LRCH3: variants seen among roughly 807,000 people sequenced by gnomAD.
The protein encoded by LRCH3 is DISP complex protein LRCH3.
In LRCH3, 68 loss-of-function variants were observed where a neutral mutation model predicts 104.5. The ratio of observed to expected loss-of-function variants is 0.65; its 90% CI spans 0.54 to 0.80. The LOEUF (loss-of-function observed/expected upper bound fraction) is 0.80. LRCH3 is among the 30% of genes least tolerant of loss of function. The probability of loss-of-function intolerance (pLI) is 0.00; values close to 1 mark genes in which losing one functional copy is unlikely to be tolerated. For synonymous variants in LRCH3, 344 were observed against 361.3 expected (o/e 0.95, Z 0.54); for missense variants, 951 against 953.9 (o/e 1.00, Z 0.04).
chr3:197,879,384 C>T (rs34161024), intron 20 of LRCH3, among the ~76,000 whole-genome samples: 6 of 152,108 alleles, frequency 3.9e-5, no homozygotes, highest in East Asian at 3.9e-4. Flanking sequence ...CGGTGGCTCA[C>T]GCCTGTAATC....
rs1714241366 is a variant in LRCH3, at chr3:197,886,905, T to TA, written c.*3241dup. 1 of 151,714 alleles carries TA rather than the reference T, an allele frequency of 6.6e-6. No individual in the cohort carries two copies. 9.4% of individuals were successfully genotyped at this position (151,714 alleles called of 1,614,324 possible). A position where few individuals can be genotyped will look rare whatever the true frequency, so the allele number is the denominator to read the frequency against. ...ATGCAATACTTGCAACATTTGCAAC[T>TA]AATTTTCCCATAGGGATAAATGGAA... On this transcript the variant is annotated 3_prime_UTR_variant, in exon 21 of 21. Coordinates refer to ENST00000425562, the MANE Select transcript of LRCH3 (RefSeq NM_001365715.1).
At chr3:197,792,575 TTTTATATATATA>T (rs746935941) in intron 1 of LRCH3, among the ~76,000 whole-genome samples, 2,985 of 18,596 alleles carry the variant, frequency 0.16, 279 homozygotes, top group East Asian at 0.46. Context: ...GCCCAGCTAA[TTTTATATATATA>T]TATATATATA....
At chr3:197,827,043 C>A in intron 5 of LRCH3, 29 bp downstream of exon 5, 1 of 1,553,154 alleles carries the variant, frequency 6.4e-7, no homozygotes, top group Non-Finnish European at 8.7e-7. Context: ...ATCAGGTAAA[C>A]CATGGTGGAA....
At chr3:197,836,829 C>T (rs1432446074) in intron 9 of LRCH3, among the ~76,000 whole-genome samples, 1 of 152,130 alleles carries the variant, frequency 6.6e-6, no homozygotes, top group African/African-American at 2.4e-5. Flanking sequence ...AGGCACCTGC[C>T]ACCATGCCCG....
chr3:197,850,360 T>C (rs1232860258), intron 12 of LRCH3: 13 of 927,240 alleles, frequency 1.4e-5, no homozygotes, highest in Middle Eastern at 3.5e-4. Context: ...TCTTTTTTTT[T>C]TTTTTTTTCC....
chr3:197,827,073 GGAAGCATCTGGTGAACCATA>G, intron 5 of LRCH3, 59 bp downstream of exon 5: 1 of 1,595,548 alleles, frequency 6.3e-7, no homozygotes, highest in South Asian at 1.1e-5. Context: ...AAACCACGGT[GGAAGCATCTGGTGAACCATA>G]GTGGAAGCAT....
chr3:197,817,275 T>A lies in LRCH3; in HGVS notation c.507T>A (p.Ile169=). 1 of 1,610,546 alleles carries A rather than the reference T, an allele frequency of 6.2e-7. No homozygotes were observed. The highest frequency in any genetic ancestry group is 8.5e-7 in the Non-Finnish European group (1 of 1,178,654). ...NNKLVSLPEE[I]GHLRHLMELD... ...AATTGGTGTCACTTCCAGAAGAAAT[T>A]GGACACCTTAGACATTTGATGGAAC... Residue 169 remains isoleucine (I), a synonymous_variant, in exon 3 of 21, where the codon ATT becomes ATA. Transcript: ENST00000425562.
intron 2 of LRCH3, among the ~76,000 whole-genome samples, chr3:197,815,943 T>C (rs916573372): frequency 1.7e-4 from 26 of 152,372 alleles, no homozygotes; most frequent in Admixed American, 1.6e-3. Context: ...TTTCCTCTTA[T>C]CATGAAACAT....
chr3:197,814,917 G>A lies in LRCH3; in HGVS notation c.272G>A (p.Arg91Gln), dbSNP rs771761835. Residue 91 changes from arginine to glutamine, a missense_variant, in exon 2 of 21, where the codon CGA (arginine) becomes CAA (glutamine). Arg to Gln is a conservative substitution (Grantham distance 43, BLOSUM62 1). Coordinates refer to ENST00000425562, the MANE Select transcript of LRCH3 (RefSeq NM_001365715.1). Reference sequence around the variant, plus strand: ...TTAATTTTTCTTTTAGACCTGTCGCGAAATCGCCTTTCAGAAATTCCTATA... The same window carrying A: ...TTAATTTTTCTTTTAGACCTGTCGCAAAATCGCCTTTCAGAAATTCCTATA... ...LTDTTRADLS[R>Q]NRLSEIPIEA... 1.9e-6 allele frequency: 3 copies of A among 1,592,046 alleles called. No individual in the cohort carries two copies. Among genetic ancestry groups the A allele is most frequent in the African/African-American group, 1.4e-5 (1 of 73,906 alleles).
chr3:197,846,881 G>GT (rs201067685), intron 10 of LRCH3, among the ~76,000 whole-genome samples: 4,850 of 150,738 alleles, frequency 0.032, 278 homozygotes, highest in African/African-American at 0.11. Context: ...CTTTTTTTTT[G>GT]TTTTTTTAAG....
intron 8 of LRCH3, among the ~76,000 whole-genome samples, chr3:197,832,577 G>A (rs917653570): frequency 8.5e-5 from 13 of 152,098 alleles, no homozygotes; most frequent in African/African-American, 3.1e-4. Context: ...AGTACACCTG[G>A]AGCAGATCTT....
intron 1 of LRCH3, among the ~76,000 whole-genome samples, chr3:197,793,815 T>C (rs1730894477): frequency 6.6e-6 from 1 of 152,164 alleles, no homozygotes; most frequent in Non-Finnish European, 1.5e-5. Flanking sequence ...TTTTATAAGC[T>C]ATTAGACTAG....
Position 197,820,445 on chromosome 3 carries a change from A to G in LRCH3, c.640+15A>G. The G allele has an allele frequency of 7.1e-7, 1 of 1,408,168 alleles. No individual in the cohort carries two copies. Among genetic ancestry groups the G allele is most frequent in the Non-Finnish European group, 1.0e-6 (1 of 1,000,922 alleles). The allele number at this position is 1,408,168 out of a possible 1,614,324, so 87.2% of individuals were successfully genotyped here. On this transcript the variant is annotated intron_variant, in intron 4 of 20. Transcript: ENST00000425562. ...TTTGCCTGAAGGTAAGAAACTATGAAATAAGAAACCATGAAATAATTGTTT... is the reference window on the plus strand; with the variant it reads ...TTTGCCTGAAGGTAAGAAACTATGAGATAAGAAACCATGAAATAATTGTTT...
At chr3:197,830,719 T>A (rs369419954) in intron 6 of LRCH3, 51 bp from the exon 7 acceptor site, 1 of 1,471,804 alleles carries the variant, frequency 6.8e-7, no homozygotes, top group African/African-American at 1.4e-5. Flanking sequence ...AATTTCAAAT[T>A]TTAATTGTTA....
At chr3:197,833,658 T>G (rs889583175) in intron 8 of LRCH3, among the ~76,000 whole-genome samples, 4 of 152,242 alleles carry the variant, frequency 2.6e-5, no homozygotes, top group Non-Finnish European at 5.9e-5. Flanking sequence ...TTTGCATTGA[T>G]TATATGTTGA....
intron 1 of LRCH3, among the ~76,000 whole-genome samples, chr3:197,791,843 C>T (rs923823332): frequency 8.5e-5 from 13 of 152,168 alleles, no homozygotes; most frequent in Non-Finnish European, 1.3e-4. Context: ...CTTGCCCCGC[C>T]CCGGTTTCTG....
chr3:197,830,930 A>C, intron 7 of LRCH3, 67 bp downstream of exon 7: 1 of 1,342,544 alleles, frequency 7.4e-7, no homozygotes, highest in Non-Finnish European at 1.1e-6. Flanking sequence ...ATGAAAATGA[A>C]AAGCGTCTTA....
intron 20 of LRCH3, chr3:197,882,366 G>A: frequency 6.1e-6 from 6 of 984,716 alleles, no homozygotes; most frequent in Non-Finnish European, 7.2e-6. Flanking sequence ...AGTTTTTTTA[G>A]ATCAAAAGAT....
At chr3:197,835,906 G>T in intron 9 of LRCH3, 84 bp downstream of exon 9, 1 of 1,409,034 alleles carries the variant, frequency 7.1e-7, no homozygotes, top group Non-Finnish European at 9.7e-7. Flanking sequence ...TTATATCAGT[G>T]ATTTGTTGAC....
Sources: allele counts gnomAD v4.1 joint callset (sites outside exome capture counted in the v4.1 genomes callset), GRCh38; gene constraint gnomAD v4.1.1; transcripts MANE v1.5; gene names NCBI Gene and HGNC (gene_info 2026-07-23, HGNC 2026-07-21).